The following TENM1 variants were observed in gnomAD, a reference collection of about 807,000 sequenced individuals.
TENM1 encodes the protein teneurin transmembrane protein 1, also known as teneurin-1.
A neutral mutation model predicts 174.8 loss-of-function variants in TENM1; 35 were observed. The ratio of observed to expected loss-of-function variants is 0.20; its 90% confidence interval spans 0.15 to 0.27. TENM1 has a LOEUF of 0.27. Among genes scored for constraint, TENM1 ranks in the 10% least tolerant of loss-of-function variants. TENM1 has a pLI of 1.00. For missense variants in TENM1, 1,633 were observed against 2,130.1 expected, an observed-to-expected ratio of 0.77 and a Z score of 4.59; for synonymous variants, 781 against 798.7, an observed-to-expected ratio of 0.98 and a Z score of 0.37.
the TENM1 span, among the ~76,000 whole-genome samples, chrX:125,180,375 T>C: frequency 9.9e-6 from 1 of 100,579 alleles, no homozygotes; most frequent in Non-Finnish European, 2.0e-5. Flanking sequence ...GGCTGAGTGG[T>C]GACTTTTAAA....
At chrX:124,974,925 A>G in the TENM1 span, among the ~76,000 whole-genome samples, 2 of 83,341 alleles carry the variant, frequency 2.4e-5, no homozygotes, top group Non-Finnish European at 5.3e-5. Context: ...AGATTTATTG[A>G]GTATTTCATA....
At chrX:124,898,225 A>G (rs946587943) in intron 1 of TENM1, among the ~76,000 whole-genome samples, 2 of 111,117 alleles carry the variant, frequency 1.8e-5, no homozygotes, top group African/African-American at 6.5e-5. Flanking sequence ...GGGCCAAAGA[A>G]TCTGCATTTC....
chrX:124,667,481 T>G (rs771823962), intron 6 of TENM1, among the ~76,000 whole-genome samples: 1 of 108,588 alleles, frequency 9.2e-6, no homozygotes, highest in South Asian at 4.1e-4. Context: ...TCCCAGCTAC[T>G]CAGGAGGCTG....
intron 1 of TENM1, among the ~76,000 whole-genome samples, chrX:124,918,713 T>G (rs1203233651): frequency 1.8e-5 from 2 of 112,045 alleles, no homozygotes; most frequent in African/African-American, 6.5e-5. Flanking sequence ...CCAGACACTG[T>G]GCGAAGACCT....
intron 11 of TENM1, among the ~76,000 whole-genome samples, chrX:124,601,096 T>G (rs747746634): frequency 8.9e-6 from 1 of 111,902 alleles, no homozygotes; most frequent in African/African-American, 3.2e-5. Context: ...GTACTTTCAC[T>G]TTTCAGTAAG....
chrX:124,554,396 T>C (rs2048650083), intron 14 of TENM1, among the ~76,000 whole-genome samples: 1 of 111,652 alleles, frequency 9.0e-6, no homozygotes, highest in South Asian at 3.8e-4. Context: ...AGTCATACAG[T>C]GGTGAACAGT....
exon 11 of TENM1, chrX:124,641,909 A>G: frequency 8.3e-7 from 1 of 1,210,563 alleles, no homozygotes; most frequent in South Asian, 1.8e-5. Context: ...TTTCACAGTT[A>G]ACTCCTCCCC....
intron 28 of TENM1, among the ~76,000 whole-genome samples, chrX:124,386,890 G>T (rs777543311): frequency 5.9e-4 from 64 of 109,113 alleles, no homozygotes; most frequent in African/African-American, 2.0e-3. Flanking sequence ...CTCTTGAAGG[G>T]TTTTAAGCAA....
the TENM1 span, among the ~76,000 whole-genome samples, chrX:125,181,457 C>T: frequency 7.2e-5 from 8 of 111,611 alleles, no homozygotes; most frequent in African/African-American, 1.6e-4. Context: ...CCTGAGCAAT[C>T]GGCCACTAGC....
chrX:125,030,915 T>C, the TENM1 span, among the ~76,000 whole-genome samples: 1 of 111,690 alleles, frequency 9.0e-6, no homozygotes, highest in Non-Finnish European at 1.9e-5. Flanking sequence ...AACGTTTAAA[T>C]AACCAACCTA....
the TENM1 span, among the ~76,000 whole-genome samples, chrX:124,982,270 G>GAAAAAAAAAAAA: frequency 2.8e-4 from 3 of 10,555 alleles, no homozygotes; most frequent in Non-Finnish European, 3.1e-4. Flanking sequence ...AAGAAAATGT[G>GAAAAAAAAAAAA]AAAAAAAAAA....
the TENM1 span, among the ~76,000 whole-genome samples, chrX:125,137,097 C>T: frequency 1.8e-5 from 2 of 111,450 alleles, no homozygotes; most frequent in Non-Finnish European, 3.8e-5. Flanking sequence ...GACTCATTTC[C>T]CTCATTTATT....
chrX:124,753,141 C>G (rs1171225055), intron 3 of TENM1, among the ~76,000 whole-genome samples: 16 of 108,791 alleles, frequency 1.5e-4, no homozygotes, highest in African/African-American at 3.7e-4. Flanking sequence ...TCTTCCATTT[C>G]TTTGTATCCT....
chrX:125,023,285 C>T, the TENM1 span, among the ~76,000 whole-genome samples: 1 of 111,453 alleles, frequency 9.0e-6, no homozygotes, highest in Non-Finnish European at 1.9e-5. Flanking sequence ...GACACACTCA[C>T]TCTCGCCTGC....
the TENM1 span, among the ~76,000 whole-genome samples, chrX:125,174,105 C>T: frequency 9.0e-6 from 1 of 111,314 alleles, no homozygotes; most frequent in Non-Finnish European, 1.9e-5. Context: ...TCAACAGAAA[C>T]TGGGAAGTTG....
the TENM1 span, among the ~76,000 whole-genome samples, chrX:125,123,716 A>C: frequency 8.9e-6 from 1 of 112,541 alleles, no homozygotes; most frequent in Non-Finnish European, 1.9e-5. Context: ...ATTGTAACTT[A>C]TAAAACAACA....
At chrX:125,009,871 T>C in the TENM1 span, among the ~76,000 whole-genome samples, 1 of 111,649 alleles carries the variant, frequency 9.0e-6, no homozygotes, top group South Asian at 3.8e-4. Context: ...TGGGTATTGA[T>C]GGAACATATC....
chrX:124,769,810 A>G (rs2054614920), intron 3 of TENM1, among the ~76,000 whole-genome samples: 1 of 111,868 alleles, frequency 8.9e-6, no homozygotes, highest in African/African-American at 3.2e-5. Context: ...TTTCATCTGG[A>G]GAAAAAATTA....
chrX:124,847,584 G>A (rs907227832), intron 3 of TENM1, among the ~76,000 whole-genome samples: 2 of 111,590 alleles, frequency 1.8e-5, no homozygotes, highest in Non-Finnish European at 3.8e-5. Context: ...AAAACAGAAA[G>A]CATGGAGTAA....
Sources: gnomAD v4.1 joint callset for allele counts (sites outside exome capture counted in the v4.1 genomes callset) on GRCh38, gnomAD v4.1.1 for gene constraint, MANE v1.5 for transcripts, NCBI Gene and HGNC (gene_info 2026-07-23, HGNC 2026-07-21) for gene names.